Variants in MACROD2 observed in about 807,000 individuals in gnomAD.
MACROD2 encodes the protein ADP-ribose glycohydrolase MACROD2.
In MACROD2, 36 loss-of-function variants were observed where a neutral mutation model predicts 70.4. That is an observed-to-expected ratio of 0.51 (90% CI 0.39 to 0.68). MACROD2 has a LOEUF of 0.68. Among genes scored for constraint, MACROD2 ranks in the 30% least tolerant of loss-of-function variants. The pLI is 0.00. For missense variants in MACROD2, 496 were observed against 538.4 expected (o/e 0.92, Z 0.78); for synonymous variants, 172 against 178.8 (o/e 0.96, Z 0.30).
chr20:16,036,906 T>C (rs2067244060), intron 15 of MACROD2, among the ~76,000 whole-genome samples: 1 of 152,012 alleles, frequency 6.6e-6, no homozygotes, highest in Non-Finnish European at 1.5e-5. Flanking sequence ...TCATGTGCAC[T>C]CATGATATTA....
At chr20:14,248,942 A>T (rs968652828) in intron 3 of MACROD2, among the ~76,000 whole-genome samples, 1 of 152,124 alleles carries the variant, frequency 6.6e-6, no homozygotes, top group Non-Finnish European at 1.5e-5. Flanking sequence ...GAAACAATAG[A>T]CTACACTGTG....
intron 4 of MACROD2, among the ~76,000 whole-genome samples, chr20:14,571,126 G>A (rs1299406061): frequency 1.3e-5 from 2 of 152,092 alleles, no homozygotes; most frequent in Admixed American, 6.6e-5. Flanking sequence ...AGATTCAGAA[G>A]CAGTTGGTCT....
chr20:15,094,224 C>T (rs2075812545), intron 5 of MACROD2, among the ~76,000 whole-genome samples: 1 of 152,060 alleles, frequency 6.6e-6, no homozygotes, highest in Non-Finnish European at 1.5e-5. Flanking sequence ...TTAATGAATA[C>T]AAAGCTTTAT....
intron 5 of MACROD2, among the ~76,000 whole-genome samples, chr20:14,818,068 C>T (rs774764618): frequency 4.6e-5 from 7 of 152,114 alleles, no homozygotes; most frequent in East Asian, 1.9e-4. Flanking sequence ...CTATCCTGAT[C>T]TATGGAAGAT....
At chr20:15,705,639 G>C (rs2050522094) in intron 8 of MACROD2, among the ~76,000 whole-genome samples, 1 of 152,002 alleles carries the variant, frequency 6.6e-6, no homozygotes, top group African/African-American at 2.4e-5. Context: ...GGCTGGTCTT[G>C]AACTCCTAGC....
intron 3 of MACROD2, among the ~76,000 whole-genome samples, chr20:14,395,137 T>G (rs1488279997): frequency 6.6e-6 from 1 of 152,118 alleles, no homozygotes; most frequent in Non-Finnish European, 1.5e-5. Flanking sequence ...CAACTTTCTG[T>G]GAGAGTTTGT....
chr20:14,834,859 T>C (rs990492588), intron 5 of MACROD2, among the ~76,000 whole-genome samples: 2 of 151,996 alleles, frequency 1.3e-5, no homozygotes, highest in African/African-American at 2.4e-5. Context: ...TGTGTATATA[T>C]ATTTATATGT....
At chr20:14,965,164 G>T (rs2074621213) in intron 5 of MACROD2, among the ~76,000 whole-genome samples, 2 of 152,096 alleles carry the variant, frequency 1.3e-5, no homozygotes, top group African/African-American at 4.8e-5. Context: ...AGATAAGCGT[G>T]TATGTGGTGA....
intron 3 of MACROD2, among the ~76,000 whole-genome samples, chr20:14,466,162 C>G (rs774104703): frequency 1.3e-5 from 2 of 152,152 alleles, no homozygotes; most frequent in Non-Finnish European, 2.9e-5. Flanking sequence ...CCGTCACTTT[C>G]AGGTACACAA....
At chr20:14,716,692 A>G (rs574906363) in intron 5 of MACROD2, among the ~76,000 whole-genome samples, 85 of 152,292 alleles carry the variant, frequency 5.6e-4, no homozygotes, top group African/African-American at 1.7e-3. Flanking sequence ...TTGAGGTGAG[A>G]TAGAAGTGAA....
chr20:15,477,904 G>A (rs1344523361), intron 7 of MACROD2, among the ~76,000 whole-genome samples: 2 of 152,130 alleles, frequency 1.3e-5, no homozygotes, highest in Non-Finnish European at 2.9e-5. Context: ...GCAGAGGGAG[G>A]GAAGGAGATG....
intron 5 of MACROD2, among the ~76,000 whole-genome samples, chr20:14,870,132 G>A (rs186957010): frequency 6.6e-6 from 1 of 152,198 alleles, no homozygotes; most frequent in Non-Finnish European, 1.5e-5. Context: ...GCCACAGTGT[G>A]TGTTGTTTCT....
At chr20:14,910,721 G>C (rs2074016522) in intron 5 of MACROD2, among the ~76,000 whole-genome samples, 1 of 152,230 alleles carries the variant, frequency 6.6e-6, no homozygotes, top group African/African-American at 2.4e-5. Flanking sequence ...TGGAGACTCA[G>C]TTCTTTATAC....
intron 15 of MACROD2, among the ~76,000 whole-genome samples, chr20:16,030,528 G>A (rs936472636): frequency 5.9e-5 from 9 of 152,198 alleles, no homozygotes; most frequent in African/African-American, 1.7e-4. Flanking sequence ...GGTGAAGAAC[G>A]TACTGTGGAA....
intron 7 of MACROD2, among the ~76,000 whole-genome samples, chr20:15,466,158 G>A (rs62193891): frequency 0.032 from 4,875 of 152,238 alleles, 97 homozygotes; most frequent in South Asian, 0.065. Context: ...AGTCGTGGCT[G>A]GGCATTCTGC....
At chr20:15,052,851 T>C (rs1288751048) in intron 5 of MACROD2, among the ~76,000 whole-genome samples, 2 of 152,190 alleles carry the variant, frequency 1.3e-5, no homozygotes, top group South Asian at 2.1e-4. Flanking sequence ...AATAGCCAAG[T>C]TGTAAATGCA....
chr20:15,094,113 CAAAT>C (rs1453383936), intron 5 of MACROD2, among the ~76,000 whole-genome samples: 11 of 152,128 alleles, frequency 7.2e-5, no homozygotes, highest in African/African-American at 2.7e-4. Context: ...ACAGCCATAA[CAAAT>C]AAATCACTTC....
chr20:15,267,361 C>T (rs562195231), intron 6 of MACROD2, among the ~76,000 whole-genome samples: 7 of 152,258 alleles, frequency 4.6e-5, no homozygotes, highest in African/African-American at 1.7e-4. Context: ...TTCTTTGCTT[C>T]TCTGCCTTCT....
intron 9 of MACROD2, among the ~76,000 whole-genome samples, chr20:15,866,923 A>G (rs1180389988): frequency 6.6e-6 from 1 of 152,188 alleles, no homozygotes; most frequent in Non-Finnish European, 1.5e-5. Flanking sequence ...AAGATGGAAA[A>G]TGGCTTATAT....
Sources: allele counts gnomAD v4.1 joint callset (sites outside exome capture counted in the v4.1 genomes callset), GRCh38; gene constraint gnomAD v4.1.1; transcripts MANE v1.5; gene names NCBI Gene and HGNC (gene_info 2026-07-23, HGNC 2026-07-21).